The following RREB1 variants were observed in gnomAD, a reference collection of about 807,000 sequenced individuals.
RREB1 encodes the protein ras-responsive element-binding protein 1.
In RREB1, 27 loss-of-function variants were observed where a neutral mutation model predicts 117.8. That is an observed-to-expected ratio of 0.23 (90% CI 0.17 to 0.32). The LOEUF (loss-of-function observed/expected upper bound fraction) is 0.32. Among genes scored for constraint, RREB1 ranks in the 10% least tolerant of loss-of-function variants. RREB1 has a pLI of 1.00. For synonymous variants in RREB1, 1,298 were observed against 1,026.7 expected, an observed-to-expected ratio of 1.26 and a Z score of -5.05; for missense variants, 2,577 against 2,378.2, an observed-to-expected ratio of 1.08 and a Z score of -1.74.
At chr6:7,155,749 AT>A (rs1763335178) in intron 1 of RREB1, among the ~76,000 whole-genome samples, 1 of 152,224 alleles carries the variant, frequency 6.6e-6, no homozygotes, top group Non-Finnish European at 1.5e-5. Flanking sequence ...ATTGAAAAGG[AT>A]TTTCCAAGTG....
intron 1 of RREB1, among the ~76,000 whole-genome samples, chr6:7,149,569 G>A (rs1299534741): frequency 6.6e-6 from 1 of 152,198 alleles, no homozygotes; most frequent in Admixed American, 6.5e-5. Context: ...ATTCATGTCT[G>A]TGCCCAGAAT....
Position 7,230,364 on chromosome 6 carries a change from C to T in RREB1, c.2265C>T (p.Cys755=). 6.3e-7 allele frequency: 1 copy of T among 1,591,988 alleles called. No homozygotes were observed. The highest frequency in any genetic ancestry group is 8.5e-7 in the Non-Finnish European group (1 of 1,174,076). The change falls in exon 10 of 13, where the codon TGC becomes TGT. Residue 755 remains cysteine, a synonymous_variant. Transcript: ENST00000379938. The stretch of plus-strand genomic sequence containing the variant: ...CCTTCTGCGCCCCGGACACCGTGTG[C>T]CGGCTGTGCGGCGAGGACCTCAAGC... ...VDAFCAPDTV[C]RLCGEDLKHY... is the part of the protein sequence containing the mutation.
chr6:7,137,228 G>GA (rs1442794929), intron 1 of RREB1, among the ~76,000 whole-genome samples: 1 of 152,240 alleles, frequency 6.6e-6, no homozygotes, highest in Non-Finnish European at 1.5e-5. Context: ...AAGGGACCAA[G>GA]AGAGTGCCTG....
chr6:7,132,300 C>T (rs1762187287), intron 1 of RREB1, among the ~76,000 whole-genome samples: 1 of 152,132 alleles, frequency 6.6e-6, no homozygotes, highest in African/African-American at 2.4e-5. Context: ...GGTGATCTAC[C>T]TGCCTCGGCC....
At chr6:7,181,802 C>A in intron 3 of RREB1, 68 bp from the exon 4 acceptor site, 1 of 1,113,826 alleles carries the variant, frequency 9.0e-7, no homozygotes, top group Non-Finnish European at 1.4e-6. Flanking sequence ...TAGCCATGGC[C>A]AGCGCCCCCT....
chr6:7,184,461 G>A (rs962434660), intron 4 of RREB1: 3 of 147,376 alleles, frequency 2.0e-5, no homozygotes, highest in Non-Finnish European at 4.5e-5. Flanking sequence ...GTTTCACTAT[G>A]TTGCCCAGGC....
intron 1 of RREB1, among the ~76,000 whole-genome samples, chr6:7,126,225 C>A (rs1761911913): frequency 6.6e-6 from 1 of 152,184 alleles, no homozygotes; most frequent in South Asian, 2.1e-4. Context: ...TGGCCTTGAA[C>A]TGCTGACCTC....
chr6:7,141,576 A>G (rs1457165378), intron 1 of RREB1, among the ~76,000 whole-genome samples: 2 of 152,188 alleles, frequency 1.3e-5, no homozygotes, highest in African/African-American at 2.4e-5. Context: ...TTATGTAATT[A>G]TTTCCCCAAA....
chr6:7,204,143 C>T (rs1766140125), intron 6 of RREB1, among the ~76,000 whole-genome samples: 3 of 152,218 alleles, frequency 2.0e-5, no homozygotes, highest in Admixed American at 1.3e-4. Flanking sequence ...GGTGCTTACG[C>T]ATTGTCTAAC....
intron 1 of RREB1, among the ~76,000 whole-genome samples, chr6:7,170,511 C>T (rs1436592881): frequency 1.3e-5 from 2 of 152,032 alleles, no homozygotes; most frequent in African/African-American, 4.8e-5. Flanking sequence ...TCGGGAAGTA[C>T]CACAGGCTTG....
chr6:7,184,244 C>G (rs1229904924), intron 4 of RREB1, among the ~76,000 whole-genome samples: 1 of 151,578 alleles, frequency 6.6e-6, no homozygotes. Context: ...ACAGTGCTGT[C>G]TTTTCTAGTA....
intron 1 of RREB1, among the ~76,000 whole-genome samples, chr6:7,143,643 T>C (rs1285251006): frequency 6.6e-6 from 1 of 152,074 alleles, no homozygotes; most frequent in Non-Finnish European, 1.5e-5. Flanking sequence ...CTGAATTCAG[T>C]CCTTTTTTTT....
chr6:7,199,946 T>C (rs923990163), intron 6 of RREB1, among the ~76,000 whole-genome samples: 8 of 152,336 alleles, frequency 5.3e-5, no homozygotes, highest in African/African-American at 1.9e-4. Context: ...AAGCTGCCAC[T>C]ATCCTCTGAG....
In RREB1 at chr6:7,126,292, G is replaced by A. The variant is rs148830722; in HGVS notation, c.-285+18232G>A. ...TGGGATTACAGGCGTGAGCCACTGCGCCCGGCCTCGATTCCCCCCCGACCC... is the reference window on the plus strand; with the variant it reads ...TGGGATTACAGGCGTGAGCCACTGCACCCGGCCTCGATTCCCCCCCGACCC... On this transcript the variant is annotated intron_variant, in intron 1 of 12. Transcript: ENST00000379938. 5.0e-3 allele frequency among the ~76,000 whole-genome samples: 753 copies of A among 151,904 alleles called. 8 individuals carry two copies. The highest frequency in any genetic ancestry group is 0.015 in the African/African-American group (641 of 41,394).
intron 1 of RREB1, among the ~76,000 whole-genome samples, chr6:7,158,317 G>A (rs747582257): frequency 2.1e-4 from 32 of 151,932 alleles, no homozygotes; most frequent in African/African-American, 3.9e-4. Context: ...CTTTGTTCCC[G>A]TTTGTAGGCA....
chr6:7,165,670 G>A (rs565362959), intron 1 of RREB1, among the ~76,000 whole-genome samples: 62 of 152,314 alleles, frequency 4.1e-4, no homozygotes, highest in African/African-American at 1.4e-3. Context: ...CTGGGTGGGC[G>A]TGTCCAGCTG....
At chr6:7,169,370 T>G in intron 1 of RREB1, among the ~76,000 whole-genome samples, 1 of 152,240 alleles carries the variant, frequency 6.6e-6, no homozygotes, top group East Asian at 1.9e-4. Flanking sequence ...TATTAGAGCA[T>G]AGTCCACCTT....
chr6:7,228,830 A>T (rs1425654740), intron 9 of RREB1, among the ~76,000 whole-genome samples, 167 bp from the exon 10 acceptor site: 1 of 151,798 alleles, frequency 6.6e-6, no homozygotes, highest in Non-Finnish European at 1.5e-5. Context: ...TTTTTTGTAG[A>T]GATACGGGAT....
chr6:7,181,398 T>G (rs1324289022), intron 3 of RREB1, 152 bp downstream of exon 3: 1 of 401,082 alleles, frequency 2.5e-6, no homozygotes, highest in African/African-American at 2.1e-5. Flanking sequence ...CTTATAAAAT[T>G]CAGGCTCCCC....
Sources: allele counts gnomAD v4.1 joint callset (sites outside exome capture counted in the v4.1 genomes callset), GRCh38; gene constraint gnomAD v4.1.1; transcripts MANE v1.5; gene names NCBI Gene and HGNC (gene_info 2026-07-23, HGNC 2026-07-21).